Variants in SUPT16H observed in about 807,000 individuals in gnomAD.
The protein encoded by SUPT16H is SPT16 homolog, facilitates chromatin remodeling subunit.
SUPT16H carries 24 observed loss-of-function variants against 136.2 expected under a neutral mutation model. That is an observed-to-expected ratio of 0.18 (90% CI 0.13 to 0.25). The LOEUF is 0.25. SUPT16H is among the 10% of genes least tolerant of loss of function. SUPT16H has a pLI of 1.00. For synonymous variants in SUPT16H, 415 were observed against 428.2 expected, an observed-to-expected ratio of 0.97 and a Z score of 0.38; for missense variants, 623 against 1,270.2, an observed-to-expected ratio of 0.49 and a Z score of 7.74.
At position 21,351,525 on chromosome 14, in the gene SUPT16H, C is replaced by A. The variant is rs140648531; in HGVS notation, c.*1148G>T. The A allele has an allele frequency of 5.8e-3, 1,316 of 226,950 alleles. 20 individuals are homozygous for A. Among genetic ancestry groups the A allele is most frequent in the African/African-American group, 0.029 (1,253 of 43,948 alleles). 14.1% of individuals were successfully genotyped at this position (226,950 alleles called of 1,614,324 possible). On this transcript the variant is annotated 3_prime_UTR_variant, in exon 26 of 26. Coordinates refer to ENST00000216297, the MANE Select transcript of SUPT16H (RefSeq NM_007192.4). Reference sequence around the variant, plus strand: ...AACCCAGTTTATTCATCTTTTAGTTCTTCCAAAATTGAAAATATCAAGTCC... The same window carrying A: ...AACCCAGTTTATTCATCTTTTAGTTATTCCAAAATTGAAAATATCAAGTCC...
intron 25 of SUPT16H, among the ~76,000 whole-genome samples, chr14:21,353,269 A>G (rs1243686943): frequency 1.3e-5 from 2 of 152,226 alleles, no homozygotes; most frequent in African/African-American, 4.8e-5. Flanking sequence ...TGAAAACAGC[A>G]TCCAGTTTGG....
chr14:21,374,962 A>G (rs1886870025), intron 1 of SUPT16H, among the ~76,000 whole-genome samples: 1 of 152,130 alleles, frequency 6.6e-6, no homozygotes, highest in Non-Finnish European at 1.5e-5. Flanking sequence ...GTTAACCAAC[A>G]GTTTTTATGT....
chr14:21,362,371 G>C, intron 14 of SUPT16H, 47 bp from the exon 15 acceptor site: 1 of 1,579,002 alleles, frequency 6.3e-7, no homozygotes, highest in Non-Finnish European at 8.6e-7. Context: ...CTTTCCTAGA[G>C]ATTAGTAGTT....
At chr14:21,373,216 G>C (rs1886825647) in intron 2 of SUPT16H, 122 bp downstream of exon 2, 2 of 785,006 alleles carry the variant, frequency 2.5e-6, no homozygotes, top group Admixed American at 3.8e-5. Flanking sequence ...AAAGTGCTGG[G>C]ATTACAGGCA....
At chr14:21,365,788 CAAAACA>C (rs905297183) in intron 8 of SUPT16H, among the ~76,000 whole-genome samples, 1 of 150,400 alleles carries the variant, frequency 6.6e-6, no homozygotes, top group South Asian at 2.1e-4. Context: ...AAACCAAAAC[CAAAACA>C]AAAAAAAACC....
rs377551730 is a variant in SUPT16H, at chr14:21,362,277, G to A, written c.1713C>T (p.Asn571=). The stretch of plus-strand genomic sequence containing the variant: ...CCAGAGCACTGCCTGGGCAATAAAA[G>A]TTGATTCGCAAGTAAGTATAATCTC... ...VEGDYTYLRI[N]FYCPGSALGR... is the part of the protein sequence containing the mutation. Residue 571 remains asparagine, a synonymous_variant, in exon 15 of 26, where the codon AAC becomes AAT. Coordinates refer to ENST00000216297, the MANE Select transcript of SUPT16H (RefSeq NM_007192.4). 15 of 1,613,992 alleles carry A rather than the reference G, an allele frequency of 9.3e-6. No homozygotes were observed. Among genetic ancestry groups the A allele is most frequent in the Non-Finnish European group, 1.1e-5 (13 of 1,180,016 alleles).
chr14:21,374,536 T>A (rs930592305), intron 1 of SUPT16H, among the ~76,000 whole-genome samples: 1 of 152,240 alleles, frequency 6.6e-6, no homozygotes, highest in Non-Finnish European at 1.5e-5. Context: ...CACTAACCTG[T>A]CTCTATGGAT....
chr14:21,376,382 A>G (rs908799875), intron 1 of SUPT16H, among the ~76,000 whole-genome samples: 16 of 152,134 alleles, frequency 1.1e-4, no homozygotes, highest in African/African-American at 3.9e-4. Context: ...GACTTCCCCT[A>G]TAAAGTCAAG....
At chr14:21,363,635 T>G in intron 10 of SUPT16H, 132 bp from the exon 11 acceptor site, 1 of 780,724 alleles carries the variant, frequency 1.3e-6, no homozygotes. Flanking sequence ...ATATAGTTTT[T>G]ATCCTTCTAA....
chr14:21,358,350 C>G lies in SUPT16H; in HGVS notation c.2379G>C (p.Glu793Asp), dbSNP rs1886479358. 3.1e-6 allele frequency: 5 copies of G among 1,613,288 alleles called. No homozygotes were observed. Among genetic ancestry groups the G allele is most frequent in the Non-Finnish European group, 4.2e-6 (5 of 1,179,808 alleles). ...FIEKVEALTK[E>D]ELEFEVPFRD... ...TAAAAGGCACTTCAAATTCCAGTTC[C>G]TCCTTAGTTAGAGCCTCTACTTTCT... is the stretch of plus-strand genomic sequence containing the variant. Residue 793 changes from glutamate to aspartate, a missense_variant, in exon 20 of 26, where the codon GAG (glutamate) becomes GAC (aspartate). Coordinates refer to ENST00000216297, the MANE Select transcript of SUPT16H (RefSeq NM_007192.4).
intron 1 of SUPT16H, among the ~76,000 whole-genome samples, chr14:21,378,658 C>G (rs1372947412): frequency 6.6e-6 from 1 of 151,906 alleles, no homozygotes; most frequent in East Asian, 1.9e-4. Flanking sequence ...TGTGATGACA[C>G]AAAGAAGTTA....
chr14:21,353,943 A>G, intron 23 of SUPT16H, 111 bp from the exon 24 acceptor site: 1 of 1,022,054 alleles, frequency 9.8e-7, no homozygotes, highest in East Asian at 2.6e-5. Flanking sequence ...AAACAAGAGC[A>G]AAATAATCTG....
chr14:21,360,774 A>G, intron 17 of SUPT16H, 72 bp downstream of exon 17: 1 of 1,552,552 alleles, frequency 6.4e-7, no homozygotes, highest in Non-Finnish European at 8.7e-7. Context: ...GTCATATTTT[A>G]TTATCTGATC....
At chr14:21,359,417 C>A in intron 19 of SUPT16H, 67 bp downstream of exon 19, 1 of 1,580,134 alleles carries the variant, frequency 6.3e-7, no homozygotes. Flanking sequence ...AAAATACAAT[C>A]CCTGAGCTTG....
chr14:21,359,236 T>G (rs1379239489), intron 19 of SUPT16H, among the ~76,000 whole-genome samples: 1 of 152,130 alleles, frequency 6.6e-6, no homozygotes, highest in Non-Finnish European at 1.5e-5. Context: ...TAGCTGGGAC[T>G]ACCACCACCC....
intron 1 of SUPT16H, among the ~76,000 whole-genome samples, chr14:21,375,486 A>ACAAGTCCCTTAC (rs71112582): frequency 9.2e-5 from 14 of 152,134 alleles, no homozygotes; most frequent in Admixed American, 2.0e-4. Flanking sequence ...TATTCTAGAC[A>ACAAGTCCCTTAC]CAGGATCTGC....
chr14:21,379,148 A>C lies in SUPT16H; in HGVS notation c.66+4714T>G, dbSNP rs201940672. Among the ~76,000 whole-genome samples the C allele has an allele frequency of 3.9e-5, 6 of 152,256 alleles. No individual in the cohort carries two copies. In the East Asian group the frequency reaches 9.7e-4, roughly 25 times the overall value. On this transcript the variant is annotated intron_variant, in intron 1 of 25. Coordinates refer to ENST00000216297, the MANE Select transcript of SUPT16H (RefSeq NM_007192.4). ...TAAAAAGTAAATATAAAAAGTAGAGATCTAGGGCTGGGTGTGATGGCTCAT... is the reference window on the plus strand; with the variant it reads ...TAAAAAGTAAATATAAAAAGTAGAGCTCTAGGGCTGGGTGTGATGGCTCAT...
In SUPT16H at chr14:21,352,754, C is replaced by T. The variant is rs768138274; in HGVS notation, c.3063G>A (p.Lys1021=). The change falls in exon 26 of 26, where the codon AAG becomes AAA. Residue 1021 remains lysine, a synonymous_variant. Transcript: ENST00000216297. ...CACGGCCCGAACTGTGCACAGATGCCTTCCTCTTCCGGCTCATACTTCGAC... is the reference window on the plus strand; with the variant it reads ...CACGGCCCGAACTGTGCACAGATGCTTTCCTCTTCCGGCTCATACTTCGAC... ...EQSRSMSRKR[K]ASVHSSGRGS... The T allele has an allele frequency of 4.3e-6, 7 of 1,614,034 alleles. No homozygotes were observed. The highest frequency in any genetic ancestry group is 5.9e-6 in the Non-Finnish European group (7 of 1,179,998).
chr14:21,358,370 C>T lies in SUPT16H; in HGVS notation c.2359G>A (p.Val787Ile), dbSNP rs771566204. 11 of 1,613,954 alleles carry T rather than the reference C, an allele frequency of 6.8e-6. No homozygotes were observed. Among genetic ancestry groups the T allele is most frequent in the Non-Finnish European group, 9.3e-6 (11 of 1,179,976 alleles). The change falls in exon 20 of 26, where the codon GTA becomes ATA. Residue 787 changes from valine (V) to isoleucine (I), a missense_variant. Around this residue, in one of 7 missense-constraint regions of SUPT16H, gnomAD observed 74 missense variants for 193.8 expected, o/e 0.38. Coordinates refer to ENST00000216297, the MANE Select transcript of SUPT16H (RefSeq NM_007192.4). ...AGTTCCTCCTTAGTTAGAGCCTCTA[C>T]TTTCTCAATGAAATTTTTAAAGGCT... is the stretch of plus-strand genomic sequence containing the variant. ...KTAFKNFIEK[V>I]EALTKEELEF...
Sources: allele counts gnomAD v4.1 joint callset (sites outside exome capture counted in the v4.1 genomes callset), GRCh38; gene constraint gnomAD v4.1.1; regional missense constraint gnomAD v4.1.1; transcripts MANE v1.5; gene names NCBI Gene and HGNC (gene_info 2026-07-23, HGNC 2026-07-21).